The following WDFY3 variants were observed in gnomAD, a reference collection of about 807,000 sequenced individuals.
WDFY3 encodes WD repeat and FYVE domain containing 3.
In WDFY3, 66 loss-of-function variants were observed where a neutral mutation model predicts 409.6. The observed-to-expected ratio is 0.16, with a 90% CI of 0.13 to 0.20. The LOEUF (loss-of-function observed/expected upper bound fraction) is 0.20. Ranked by LOEUF, WDFY3 falls within the 10% of genes least tolerant of loss-of-function variation. WDFY3 has a pLI of 1.00. For synonymous variants in WDFY3, 1,521 were observed against 1,537.1 expected, an observed-to-expected ratio of 0.99 and a Z score of 0.25; for missense variants, 3,031 against 4,298.1, an observed-to-expected ratio of 0.71 and a Z score of 8.24.
At chr4:84,850,187 T>C (rs1367665042) in intron 4 of WDFY3, among the ~76,000 whole-genome samples, 162 bp from the exon 5 acceptor site, 1 of 152,192 alleles carries the variant, frequency 6.6e-6, no homozygotes, top group Non-Finnish European at 1.5e-5. Flanking sequence ...TTTCAATAAA[T>C]CACATGTCTA....
intron 51 of WDFY3, 76 bp from the exon 52 acceptor site, chr4:84,709,423 T>A: frequency 7.5e-7 from 1 of 1,327,686 alleles, no homozygotes; most frequent in Non-Finnish European, 1.0e-6. Context: ...TTGAAAAATT[T>A]AAGTCACCTG....
At chr4:84,683,827 GA>G in intron 63 of WDFY3, 115 bp downstream of exon 63, 1 of 1,102,906 alleles carries the variant, frequency 9.1e-7, no homozygotes, top group Non-Finnish European at 1.3e-6. Context: ...GAGCTGGAGC[GA>G]GAGTTCACTA....
chr4:84,909,436 TA>T (rs891972889), intron 2 of WDFY3, among the ~76,000 whole-genome samples: 6 of 151,330 alleles, frequency 4.0e-5, no homozygotes, highest in Admixed American at 6.6e-5. Context: ...TACAGAAAAA[TA>T]AAAAAAAATT....
At chr4:84,775,879 C>T (rs1745467615) in intron 27 of WDFY3, among the ~76,000 whole-genome samples, 1 of 151,224 alleles carries the variant, frequency 6.6e-6, no homozygotes, top group Non-Finnish European at 1.5e-5. Context: ...AAATGTCCTT[C>T]AAAAAGGAAG....
intron 23 of WDFY3, 76 bp downstream of exon 23, chr4:84,787,406 C>T (rs1747748948): frequency 1.4e-6 from 2 of 1,397,998 alleles, no homozygotes; most frequent in East Asian, 2.3e-5. Context: ...TATGTATAAC[C>T]TCAGACACAC....
At chr4:84,764,697 T>TA (rs1340676664) in intron 32 of WDFY3, among the ~76,000 whole-genome samples, 258 of 141,456 alleles carry the variant, frequency 1.8e-3, no homozygotes, top group Middle Eastern at 3.6e-3. Flanking sequence ...CCGTCTCTAC[T>TA]AAAAAAAAAA....
chr4:84,776,578 C>A (rs1291235150), intron 27 of WDFY3, among the ~76,000 whole-genome samples: 1 of 151,944 alleles, frequency 6.6e-6, no homozygotes, highest in African/African-American at 2.4e-5. Flanking sequence ...CTTAGTGTTC[C>A]CATAATCCCT....
chr4:84,697,853 G>A (rs757027333), intron 56 of WDFY3, among the ~76,000 whole-genome samples: 1 of 152,160 alleles, frequency 6.6e-6, no homozygotes, highest in Non-Finnish European at 1.5e-5. Context: ...AAGTGGAAGC[G>A]AATAAAATAT....
intron 2 of WDFY3, among the ~76,000 whole-genome samples, chr4:84,929,480 C>A (rs181510720): frequency 0.01 from 1,575 of 150,882 alleles, 30 homozygotes; most frequent in African/African-American, 0.036. Context: ...CCCCCCCCCC[C>A]AAATTCATAC....
At chr4:84,862,861 G>A (rs1229408628) in intron 3 of WDFY3, among the ~76,000 whole-genome samples, 1 of 152,096 alleles carries the variant, frequency 6.6e-6, no homozygotes. Context: ...GTGGTGGCAG[G>A]CGCCCACTCT....
At chr4:84,734,360 A>G (rs1737088222) in intron 43 of WDFY3, among the ~76,000 whole-genome samples, 1 of 152,208 alleles carries the variant, frequency 6.6e-6, no homozygotes, top group South Asian at 2.1e-4. Flanking sequence ...TATAACTGAC[A>G]GTAAAGATTA....
intron 32 of WDFY3, among the ~76,000 whole-genome samples, chr4:84,760,655 C>T (rs1211442135): frequency 9.2e-5 from 14 of 151,824 alleles, no homozygotes; most frequent in African/African-American, 2.7e-4. Context: ...GGTGATATCC[C>T]CTTTATCATT....
intron 44 of WDFY3, 22 bp from the exon 45 acceptor site, chr4:84,726,933 T>C (rs767402933): frequency 1.1e-5 from 18 of 1,571,878 alleles, no homozygotes; most frequent in African/African-American, 1.4e-5. Flanking sequence ...GTATTAAGTA[T>C]AGACATATCA....
At position 84,682,342 on chromosome 4, in the gene WDFY3, G is replaced by A. The variant is rs770553565; in HGVS notation, c.9823+32C>T. On this transcript the variant is annotated intron_variant, in intron 64 of 67. Transcript: ENST00000295888. ...AGTGACTTAAAAGAAATATGAAAAC[G>A]ATTTGAGTCATTTTTAGAAAGTATT... 8.2e-6 allele frequency: 13 copies of A among 1,582,606 alleles called. No individual in the cohort carries two copies. The South Asian group carries it at 1.1e-4, about 14-fold the overall frequency.
chr4:84,743,711 TC>T lies in WDFY3; in HGVS notation c.6061del (p.Asp2021MetfsTer4). ...AAACACAGAATTACCTAATAACACA[TC>T]AGCTGCAAGCAAATGGTCCATCACG... ...DSVMDHLLAA[D>X]VLLGEDASLP... On this transcript the variant is annotated frameshift_variant, in exon 37 of 68. Coordinates refer to ENST00000295888, the MANE Select transcript of WDFY3 (RefSeq NM_014991.6). LOFTEE classifies it high-confidence loss of function. 2 of 1,572,624 alleles carry T rather than the reference TC, an allele frequency of 1.3e-6. No individual in the cohort carries two copies. Among genetic ancestry groups the T allele is most frequent in the Non-Finnish European group, 1.7e-6 (2 of 1,155,258 alleles).
chr4:84,865,987 T>C (rs552393384), intron 3 of WDFY3, among the ~76,000 whole-genome samples: 6 of 152,152 alleles, frequency 3.9e-5, no homozygotes, highest in Admixed American at 3.9e-4. Flanking sequence ...AGGGGATTGC[T>C]TGGGTCTGGG....
At chr4:84,809,631 G>T in intron 14 of WDFY3, 1 of 351,528 alleles carries the variant, frequency 2.8e-6, no homozygotes, top group Non-Finnish European at 5.1e-6. Context: ...AAACTTCATA[G>T]AAACTGTTCC....
Position 84,672,685 on chromosome 4 carries a change from G to T in WDFY3, c.*183C>A. ...TCTTCTTGTGCTGTTCACCTGAATCGCGTCTGCCCCATTCCTGTACTCTAC... is the reference window on the plus strand; with the variant it reads ...TCTTCTTGTGCTGTTCACCTGAATCTCGTCTGCCCCATTCCTGTACTCTAC... On this transcript the variant is annotated 3_prime_UTR_variant, in exon 68 of 68. Transcript: ENST00000295888. The T allele has an allele frequency of 1.4e-6, 1 of 708,216 alleles. No individual in the cohort carries two copies. The highest frequency in any genetic ancestry group is 2.2e-6 in the Non-Finnish European group (1 of 457,128). The allele number at this position is 708,216 out of a possible 1,614,324, so 43.9% of individuals were successfully genotyped here.
At chr4:84,831,266 A>G in intron 8 of WDFY3, 147 bp downstream of exon 8, 1 of 609,942 alleles carries the variant, frequency 1.6e-6, no homozygotes. Context: ...CCACAGATGA[A>G]AAAAAATATT....
Sources: allele counts gnomAD v4.1 joint callset (sites outside exome capture counted in the v4.1 genomes callset), GRCh38; gene constraint gnomAD v4.1.1; transcripts MANE v1.5; gene names NCBI Gene and HGNC (gene_info 2026-07-23, HGNC 2026-07-21).